Variants in NEK1 observed in about 807,000 individuals in gnomAD.
NEK1 encodes the protein NIMA related kinase 1.
In NEK1, 137 loss-of-function variants were observed where a neutral mutation model predicts 182.1. The observed-to-expected ratio is 0.75, with a 90% CI of 0.65 to 0.87. The LOEUF is 0.87. Among genes scored for constraint, NEK1 ranks in the 40% least tolerant of loss-of-function variants. The pLI is 0.00. For synonymous variants in NEK1, 513 were observed against 492.2 expected, an observed-to-expected ratio of 1.04 and a Z score of -0.56; for missense variants, 1,391 against 1,494.4, an observed-to-expected ratio of 0.93 and a Z score of 1.14.
At chr4:169,580,586 T>C (rs1413024485) in intron 11 of NEK1, among the ~76,000 whole-genome samples, 1 of 150,092 alleles carries the variant, frequency 6.7e-6, no homozygotes, top group African/African-American at 2.5e-5. Context: ...GTTCTCAAAA[T>C]ATCAGCTAGG....
chr4:169,474,199 T>C (rs1746539860), intron 26 of NEK1, among the ~76,000 whole-genome samples: 1 of 152,146 alleles, frequency 6.6e-6, no homozygotes, highest in African/African-American at 2.4e-5. Context: ...TCTAGTGAAC[T>C]AGTTAGAAGG....
At chr4:169,487,773 CCCA>C (rs1183743827) in intron 23 of NEK1, among the ~76,000 whole-genome samples, 1 of 152,188 alleles carries the variant, frequency 6.6e-6, no homozygotes, top group Non-Finnish European at 1.5e-5. Flanking sequence ...AATTTACACT[CCCA>C]CCAACAGTGT....
chr4:169,595,532 T>C (rs1365897246), intron 5 of NEK1, among the ~76,000 whole-genome samples: 4 of 152,188 alleles, frequency 2.6e-5, no homozygotes, highest in East Asian at 1.9e-4. Flanking sequence ...CAGAATGTAA[T>C]TGGACAAATC....
At chr4:169,485,633 G>A (rs1313867721) in intron 23 of NEK1, among the ~76,000 whole-genome samples, 1 of 151,948 alleles carries the variant, frequency 6.6e-6, no homozygotes, top group Non-Finnish European at 1.5e-5. Context: ...TCATATAAGA[G>A]AAAAATATAA....
At chr4:169,499,540 C>A (rs919016819) in intron 23 of NEK1, among the ~76,000 whole-genome samples, 1 of 152,026 alleles carries the variant, frequency 6.6e-6, no homozygotes, top group Non-Finnish European at 1.5e-5. Flanking sequence ...GTTTTATCTA[C>A]CTTTGGTCTT....
intron 29 of NEK1, among the ~76,000 whole-genome samples, 176 bp from the exon 30 acceptor site, chr4:169,426,410 C>T (rs148222294): frequency 6.6e-6 from 1 of 152,202 alleles, no homozygotes; most frequent in Non-Finnish European, 1.5e-5. Flanking sequence ...ATTTTTCACC[C>T]TGTTCAAATC....
intron 29 of NEK1, among the ~76,000 whole-genome samples, chr4:169,427,618 C>T (rs1009710365): frequency 7.2e-5 from 11 of 151,918 alleles, no homozygotes; most frequent in Non-Finnish European, 1.2e-4. Context: ...ACTTAGCCTC[C>T]CAAGTAGGTA....
At chr4:169,435,390 G>A (rs1738217178) in intron 28 of NEK1, among the ~76,000 whole-genome samples, 1 of 152,078 alleles carries the variant, frequency 6.6e-6, no homozygotes, top group South Asian at 2.1e-4. Context: ...TTTTTGGGGG[G>A]TAGGGAGGGG....
intron 26 of NEK1, among the ~76,000 whole-genome samples, chr4:169,467,621 T>C (rs1745169242): frequency 1.3e-5 from 2 of 152,064 alleles, no homozygotes; most frequent in African/African-American, 4.8e-5. Flanking sequence ...CTTATGATGG[T>C]TCAACTTAAG....
intron 23 of NEK1, among the ~76,000 whole-genome samples, chr4:169,491,613 G>C (rs1197052733): frequency 6.6e-6 from 1 of 152,000 alleles, no homozygotes; most frequent in Non-Finnish European, 1.5e-5. Context: ...AAATGCTTAA[G>C]AGTTCTTCAA....
intron 19 of NEK1, among the ~76,000 whole-genome samples, chr4:169,521,491 A>AGACCGGAGCTGTT (rs1756036096): frequency 1.3e-5 from 2 of 152,068 alleles, no homozygotes; most frequent in African/African-American, 4.8e-5. Flanking sequence ...TGGGAGCTGT[A>AGACCGGAGCTGTT]GACCGGAGCT....
intron 18 of NEK1, among the ~76,000 whole-genome samples, chr4:169,546,423 A>G (rs550684453): frequency 1.1e-3 from 164 of 152,298 alleles, no homozygotes; most frequent in African/African-American, 3.9e-3. Flanking sequence ...ATTTTAGAAT[A>G]AATGCTATGT....
At chr4:169,584,279 T>C (rs1338714421) in intron 10 of NEK1, among the ~76,000 whole-genome samples, 1 of 152,068 alleles carries the variant, frequency 6.6e-6, no homozygotes, top group Non-Finnish European at 1.5e-5. Flanking sequence ...TCATTTCCTA[T>C]CAAAAAGAAT....
At chr4:169,451,922 A>G (rs1246458917) in intron 27 of NEK1, among the ~76,000 whole-genome samples, 1 of 152,230 alleles carries the variant, frequency 6.6e-6, no homozygotes, top group East Asian at 1.9e-4. Context: ...GAAGAATCAA[A>G]TAGATGCCAT....
In NEK1 at chr4:169,602,663, C is replaced by T. The variant is rs771063647; in HGVS notation, c.-33G>A. On this transcript the variant is annotated 5_prime_UTR_variant, in exon 3 of 36. Coordinates refer to ENST00000507142, the MANE Select transcript of NEK1 (RefSeq NM_001199397.3). ...TTTCTAAGGCATCTTTACAGATATG[C>T]TAGACATTTAAAAAACTAACAAAAA... 1.7e-6 allele frequency: 2 copies of T among 1,143,200 alleles called. No homozygotes were observed. The highest frequency in any genetic ancestry group is 1.9e-5 in the Admixed American group (1 of 52,068). 70.8% of individuals were successfully genotyped at this position (1,143,200 alleles called of 1,614,324 possible).
At chr4:169,587,667 T>G in intron 8 of NEK1, 54 bp from the exon 9 acceptor site, 1 of 1,101,114 alleles carries the variant, frequency 9.1e-7, no homozygotes, top group Non-Finnish European at 1.3e-6. Context: ...TTTTTTCATT[T>G]AAAGGAAACA....
At chr4:169,464,339 G>A (rs1744531206) in intron 26 of NEK1, among the ~76,000 whole-genome samples, 1 of 152,122 alleles carries the variant, frequency 6.6e-6, no homozygotes, top group African/African-American at 2.4e-5. Context: ...GTTACTCTAT[G>A]CTGTCTTTCA....
At chr4:169,464,014 C>G (rs972695100) in intron 26 of NEK1, among the ~76,000 whole-genome samples, 8 of 152,106 alleles carry the variant, frequency 5.3e-5, no homozygotes, top group Admixed American at 5.2e-4. Flanking sequence ...GTGAACAAAA[C>G]GAAGTTCATA....
chr4:169,446,284 C>T (rs552438532), intron 27 of NEK1, among the ~76,000 whole-genome samples: 3 of 151,538 alleles, frequency 2.0e-5, no homozygotes, highest in Admixed American at 6.6e-5. Context: ...AAACCACTAA[C>T]GAGACTAAGA....
Sources: allele counts gnomAD v4.1 joint callset (sites outside exome capture counted in the v4.1 genomes callset), GRCh38; gene constraint gnomAD v4.1.1; transcripts MANE v1.5; gene names NCBI Gene and HGNC (gene_info 2026-07-23, HGNC 2026-07-21).